The following NPNT variants were observed in gnomAD, a reference collection of about 807,000 sequenced individuals.
NPNT encodes preosteoblast EGF-like repeat protein with MAM domain.
In NPNT, 45 loss-of-function variants were observed where a neutral mutation model predicts 68.6. That is an observed-to-expected ratio of 0.66 (90% CI 0.52 to 0.84). NPNT has a LOEUF of 0.84. Ranked by LOEUF, NPNT falls within the 40% of genes least tolerant of loss-of-function variation. The pLI, the probability that NPNT is intolerant of heterozygous loss-of-function variation, is 0.00. For missense variants in NPNT, 672 were observed against 714.8 expected (o/e 0.94, Z 0.68); for synonymous variants, 233 against 253.3 (o/e 0.92, Z 0.76).
At chr4:105,954,646 C>A (rs1281625499) in intron 8 of NPNT, among the ~76,000 whole-genome samples, 1 of 152,200 alleles carries the variant, frequency 6.6e-6, no homozygotes, top group African/African-American at 2.4e-5. Flanking sequence ...TCCTCCTGCA[C>A]CTTCTTGCTG....
intron 10 of NPNT, among the ~76,000 whole-genome samples, chr4:105,964,166 A>G (rs113812720): frequency 3.0e-4 from 45 of 152,310 alleles, no homozygotes; most frequent in African/African-American, 9.9e-4. Flanking sequence ...AGTTACCACT[A>G]AAATAGTATT....
rs546374806 is a variant in NPNT at position 105,927,098 on chromosome 4, G to A, written c.173-238G>A. 3.6e-4 allele frequency: 101 copies of A among 280,698 alleles called. 2 individuals are homozygous for A. The South Asian group carries it at 9.7e-3, about 27-fold the overall frequency. 17.4% of individuals were successfully genotyped at this position (280,698 alleles called of 1,614,324 possible). A position where few individuals can be genotyped will look rare whatever the true frequency, so the allele number is the denominator to read the frequency against. On this transcript the variant is annotated intron_variant, in intron 2 of 11. Coordinates refer to ENST00000379987, the MANE Select transcript of NPNT (RefSeq NM_001033047.3). ...AGTTTTATTTGTCTATTTGAGTATT[G>A]TCCTTGAATTTAAAATTTTTTTCAG...
In NPNT at chr4:105,970,421, T is replaced by A. The variant is rs1245839800; in HGVS notation, c.*1431T>A. On this transcript the variant is annotated 3_prime_UTR_variant, in exon 12 of 12. Transcript: ENST00000379987. Reference sequence around the variant, plus strand: ...ATGATTAAAGGGTTGGAAAAAAAGATCTATGATGGAAAATTAAAGGAACTG... The same window carrying A: ...ATGATTAAAGGGTTGGAAAAAAAGAACTATGATGGAAAATTAAAGGAACTG... 2 of 701,316 alleles carry A rather than the reference T, an allele frequency of 2.9e-6. No individual in the cohort carries two copies. Among genetic ancestry groups the A allele is most frequent in the Admixed American group, 2.0e-5 (1 of 49,930 alleles). 43.4% of individuals were successfully genotyped at this position (701,316 alleles called of 1,614,324 possible). A position where few individuals can be genotyped will look rare whatever the true frequency, so the allele number is the denominator to read the frequency against.
intron 2 of NPNT, among the ~76,000 whole-genome samples, chr4:105,925,174 C>T (rs1728591607): frequency 6.6e-6 from 1 of 152,088 alleles, no homozygotes; most frequent in Admixed American, 6.6e-5. Flanking sequence ...AGAAGGCCCT[C>T]CTGGACAGTT....
intron 3 of NPNT, among the ~76,000 whole-genome samples, chr4:105,930,291 A>G (rs1729010237): frequency 6.6e-6 from 1 of 152,160 alleles, no homozygotes; most frequent in African/African-American, 2.4e-5. Flanking sequence ...TAAATAAATG[A>G]CAGTTTCATC....
chr4:105,928,613 CA>C (rs75354182), intron 3 of NPNT, among the ~76,000 whole-genome samples: 38,951 of 91,892 alleles, frequency 0.42, 4,242 homozygotes, highest in African/African-American at 0.47. Context: ...AACTCTGTCT[CA>C]AAAAAAAAAA....
chr4:105,958,407 A>G, intron 8 of NPNT, 64 bp from the exon 9 acceptor site: 1 of 872,530 alleles, frequency 1.1e-6, no homozygotes, highest in Non-Finnish European at 1.9e-6. Context: ...TGTTAAAGGT[A>G]ATGCCTCTTT....
At chr4:105,936,917 CT>C (rs1326007068) in intron 3 of NPNT, 91 bp from the exon 4 acceptor site, 1 of 1,291,656 alleles carries the variant, frequency 7.7e-7, no homozygotes, top group Non-Finnish European at 1.0e-6. Flanking sequence ...CTATTTTTCT[CT>C]TTCATTTTTT....
intron 2 of NPNT, among the ~76,000 whole-genome samples, chr4:105,915,248 A>T (rs955928665): frequency 6.6e-6 from 1 of 152,106 alleles, no homozygotes; most frequent in South Asian, 2.1e-4. Flanking sequence ...AATGCCTGGG[A>T]CCTGTAGGAA....
At chr4:105,932,540 C>T in intron 3 of NPNT, 1 of 941,946 alleles carries the variant, frequency 1.1e-6, no homozygotes, top group South Asian at 1.5e-5. Flanking sequence ...TTAATATATA[C>T]TTGCAAAGAT....
At chr4:105,948,876 G>A (rs1026689363) in intron 8 of NPNT, among the ~76,000 whole-genome samples, 1 of 152,114 alleles carries the variant, frequency 6.6e-6, no homozygotes, top group Non-Finnish European at 1.5e-5. Flanking sequence ...GGGATTCTAG[G>A]CATGAACCAC....
At chr4:105,898,191 G>C (rs1025115794) in intron 2 of NPNT, 190 bp downstream of exon 2, 1 of 414,352 alleles carries the variant, frequency 2.4e-6, no homozygotes, top group Non-Finnish European at 4.3e-6. Context: ...CCTGTATTAC[G>C]GCCCAGCTTT....
At chr4:105,934,817 A>G (rs72968699) in intron 3 of NPNT, among the ~76,000 whole-genome samples, 3,504 of 151,954 alleles carry the variant, frequency 0.023, 127 homozygotes, top group African/African-American at 0.08. Flanking sequence ...TTTCAGTTTC[A>G]TGATTCTTAA....
At chr4:105,954,664 C>T (rs1479197157) in intron 8 of NPNT, among the ~76,000 whole-genome samples, 1 of 152,204 alleles carries the variant, frequency 6.6e-6, no homozygotes, top group Non-Finnish European at 1.5e-5. Flanking sequence ...CTGCCTCCCT[C>T]CCCCTGTAAG....
At chr4:105,908,299 C>T (rs901467209) in intron 2 of NPNT, among the ~76,000 whole-genome samples, 1 of 151,422 alleles carries the variant, frequency 6.6e-6, no homozygotes, top group Non-Finnish European at 1.5e-5. Flanking sequence ...AATTTTAAAA[C>T]CAAACACTTC....
At chr4:105,952,227 TTAAC>T (rs1215881654) in intron 8 of NPNT, among the ~76,000 whole-genome samples, 1 of 152,240 alleles carries the variant, frequency 6.6e-6, no homozygotes, top group African/African-American at 2.4e-5. Context: ...AATGTTATTT[TTAAC>T]TAACTAGATC....
In NPNT at chr4:105,942,590, G is replaced by C; in HGVS notation, c.1047G>C (p.Arg349Ser). The C allele has an allele frequency of 6.2e-7, 1 of 1,613,660 alleles. No individual in the cohort carries two copies. Among genetic ancestry groups the C allele is most frequent in the Non-Finnish European group, 8.5e-7 (1 of 1,179,922 alleles). The change falls in exon 8 of 12, where the codon AGG (arginine) becomes AGC (serine). Residue 349 changes from arginine (R) to serine (S), a missense_variant. Arg to Ser is a moderately radical substitution (Grantham distance 110, BLOSUM62 -1). Transcript: ENST00000379987. Reference protein sequence around the residue: ...RTPLPPTTPERPTTGLTTIAP... With the variant: ...RTPLPPTTPESPTTGLTTIAP... ...CTCTACCACCTACAACCCCAGAAAG[G>C]CCAACCACCGGACTGACAACTATAG... is the stretch of plus-strand genomic sequence containing the variant.
intron 3 of NPNT, among the ~76,000 whole-genome samples, chr4:105,931,978 C>A (rs1729150841): frequency 6.6e-6 from 1 of 152,102 alleles, no homozygotes; most frequent in African/African-American, 2.4e-5. Context: ...TGAGTCTCAC[C>A]CATCTTATAT....
At chr4:105,960,977 G>A (rs982659074) in intron 10 of NPNT, among the ~76,000 whole-genome samples, 14 of 152,024 alleles carry the variant, frequency 9.2e-5, no homozygotes, top group East Asian at 1.9e-4. Flanking sequence ...AATCTTATAG[G>A]TGAAAAGGAA....
Sources: gnomAD v4.1 joint callset for allele counts (sites outside exome capture counted in the v4.1 genomes callset) on GRCh38, gnomAD v4.1.1 for gene constraint, MANE v1.5 for transcripts, NCBI Gene and HGNC (gene_info 2026-07-23, HGNC 2026-07-21) for gene names.